Variants in KANSL1 observed in about 807,000 individuals in gnomAD.
KANSL1 encodes the protein KAT8 regulatory NSL complex subunit 1, also known as MLL1/MLL complex subunit KANSL1.
In KANSL1, 22 loss-of-function variants were observed where a neutral mutation model predicts 103.6. The ratio of observed to expected loss-of-function variants is 0.21; its 90% CI spans 0.15 to 0.30. KANSL1 has a LOEUF of 0.30. KANSL1 is among the 10% of genes least tolerant of loss of function. KANSL1 has a pLI of 1.00. For synonymous variants in KANSL1, 600 were observed against 527.6 expected (o/e 1.14, Z -1.88); for missense variants, 1,337 against 1,399.8 (o/e 0.96, Z 0.72).
chr17:46,143,074 T>C (rs1036307918), intron 2 of KANSL1, among the ~76,000 whole-genome samples: 5 of 152,222 alleles, frequency 3.3e-5, no homozygotes, highest in South Asian at 2.1e-4. Context: ...TTAAGTACAC[T>C]GTAAAGACAT....
At chr17:46,085,067 T>C (rs1183623016) in intron 3 of KANSL1, among the ~76,000 whole-genome samples, 2 of 152,222 alleles carry the variant, frequency 1.3e-5, no homozygotes, top group Admixed American at 6.5e-5. Context: ...CTAAGAACTT[T>C]TTTAAAGATC....
In KANSL1 at chr17:46,143,437, T is replaced by A. The variant is rs1033191509; in HGVS notation, c.1289+27418A>T. Among the ~76,000 whole-genome samples the A allele has an allele frequency of 4.6e-5, 7 of 152,006 alleles. No homozygotes were observed. The East Asian group carries it at 1.4e-3, about 29-fold the overall frequency. The stretch of plus-strand genomic sequence containing the variant: ...TGAACCCGCGAGACAGAGGTTGCAG[T>A]GAGCTGAGATCACGCCATTGTGCTC... On this transcript the variant is annotated intron_variant, in intron 2 of 14. Transcript: ENST00000432791.
chr17:46,218,304 C>G (rs1218631929), intron 1 of KANSL1, among the ~76,000 whole-genome samples: 1 of 152,246 alleles, frequency 6.6e-6, no homozygotes, highest in Non-Finnish European at 1.5e-5. Flanking sequence ...AGGTGCTGTT[C>G]TAAACACTCT....
chr17:46,206,083 C>CCAAAAAAA (rs1491578296), intron 1 of KANSL1, among the ~76,000 whole-genome samples: 1 of 89,598 alleles, frequency 1.1e-5, no homozygotes, highest in Non-Finnish European at 2.0e-5. Flanking sequence ...CTGTGTCCCC[C>CCAAAAAAA]AAAAAAAAAA....
chr17:46,078,348 C>A (rs2078863516), intron 4 of KANSL1, among the ~76,000 whole-genome samples: 1 of 152,254 alleles, frequency 6.6e-6, no homozygotes, highest in Admixed American at 6.5e-5. Flanking sequence ...CTGCTCAGCT[C>A]TTTCAGCCTT....
chr17:46,085,752 A>C (rs1160456583), intron 3 of KANSL1, among the ~76,000 whole-genome samples: 3 of 152,116 alleles, frequency 2.0e-5, no homozygotes, highest in Non-Finnish European at 4.4e-5. Context: ...TCAAACTCCC[A>C]AAGTGCTGGG....
At chr17:46,176,725 A>G (rs1041825314) in intron 1 of KANSL1, among the ~76,000 whole-genome samples, 6 of 152,088 alleles carry the variant, frequency 3.9e-5, no homozygotes, top group African/African-American at 1.4e-4. Context: ...CTACTCCAAG[A>G]CTTCTCTGAA....
intron 6 of KANSL1, among the ~76,000 whole-genome samples, chr17:46,063,914 A>T (rs1204690431): frequency 1.4e-4 from 14 of 99,694 alleles, no homozygotes; most frequent in Non-Finnish European, 1.9e-4. Flanking sequence ...TTTTTTTTTA[A>T]AATGTAAAAG....
intron 4 of KANSL1, 47 bp downstream of exon 4, chr17:46,082,394 C>A (rs961214635): frequency 1.6e-6 from 2 of 1,256,954 alleles, no homozygotes; most frequent in Non-Finnish European, 2.3e-6. Flanking sequence ...GCCAAGACAA[C>A]ACCCTTAATT....
At chr17:46,099,780 G>A (rs1471775146) in intron 2 of KANSL1, among the ~76,000 whole-genome samples, 1 of 152,224 alleles carries the variant, frequency 6.6e-6, no homozygotes. Context: ...ATATACTGTA[G>A]TTATCACCTG....
Position 46,171,960 on chromosome 17 carries a change from C to G in KANSL1, c.184G>C (p.Asp62His), listed in dbSNP as rs904814411. 1 of 1,614,260 alleles carries G rather than the reference C, an allele frequency of 6.2e-7. No individual in the cohort carries two copies. The highest frequency in any genetic ancestry group is 1.1e-5 in the South Asian group (1 of 91,090). Reference sequence around the variant, plus strand: ...TCCTTGGTAGGATTATTTCGGAAATCTAGGCTGGGATCCTCTGCAGCAATG... The same window carrying G: ...TCCTTGGTAGGATTATTTCGGAAATGTAGGCTGGGATCCTCTGCAGCAATG... ...KAIAAEDPSLDFRNNPTKEDL... is the reference protein window; with the variant it reads ...KAIAAEDPSLHFRNNPTKEDL... Residue 62 changes from aspartate to histidine, a missense_variant, in exon 2 of 15, where the codon GAT becomes CAT. By Grantham distance (81) the Asp-to-His change is moderately conservative. Around this residue, in one of 2 missense-constraint regions of KANSL1, gnomAD observed 557 missense variants for 476.4 expected, o/e 1.17. Transcript: ENST00000432791.
chr17:46,031,189 G>A lies in KANSL1; in HGVS notation c.*287C>T. ...GTCATCTAAGATCAGTAAGTCCAGT[G>A]ATTCAACAGTGCAGAGGATGTGCCA... On this transcript the variant is annotated 3_prime_UTR_variant, in exon 15 of 15. Transcript: ENST00000432791. The A allele has an allele frequency of 2.0e-6, 1 of 509,350 alleles. No homozygotes were observed. The highest frequency in any genetic ancestry group is 3.5e-6 in the Non-Finnish European group (1 of 282,258). The allele number at this position is 509,350 out of a possible 1,614,324, so 31.6% of individuals were successfully genotyped here. A position where few individuals can be genotyped will look rare whatever the true frequency, so the allele number is the denominator to read the frequency against.
In KANSL1 at chr17:46,171,366, C is replaced by T. The variant is rs1159067199; in HGVS notation, c.778G>A (p.Gly260Ser). The stretch of plus-strand genomic sequence containing the variant: ...GACTTTTTACCCTCCAATTTGACAC[C>T]CCCCAAGTTAGAGCTGGAGTCTGTA... The part of the protein sequence containing the change: ...PGTDSSSNLG[G>S]VKLEGKKSPL... The change falls in exon 2 of 15, where the codon GGT (glycine) becomes AGT (serine). Residue 260 changes from glycine (G) to serine (S), a missense_variant. Physicochemically the swap from Gly to Ser is moderately conservative, Grantham distance 56 (BLOSUM62 0). This residue lies in a region of KANSL1 where 557 missense variants were observed against 476.4 expected (regional missense o/e 1.17). Coordinates refer to ENST00000432791, the MANE Select transcript of KANSL1 (RefSeq NM_015443.4). 17 of 1,614,062 alleles carry T rather than the reference C, an allele frequency of 1.1e-5. No individual in the cohort carries two copies. Among genetic ancestry groups the T allele is most frequent in the Admixed American group, 1.7e-5 (1 of 60,000 alleles).
chr17:46,059,929 T>A (rs1370085145), intron 6 of KANSL1, among the ~76,000 whole-genome samples: 2 of 151,856 alleles, frequency 1.3e-5, no homozygotes, highest in Non-Finnish European at 2.9e-5. Context: ...CGAGACTCCA[T>A]CTTGGGGGAG....
chr17:46,095,931 A>G (rs2042042169), intron 2 of KANSL1, among the ~76,000 whole-genome samples: 1 of 152,194 alleles, frequency 6.6e-6, no homozygotes, highest in South Asian at 2.1e-4. Context: ...GTTAAAATAT[A>G]AATATTAGGT....
chr17:46,198,050 C>A (rs1434493230), upstream of KANSL1, among the ~76,000 whole-genome samples: 2 of 152,166 alleles, frequency 1.3e-5, no homozygotes, highest in African/African-American at 4.8e-5. Flanking sequence ...CACAGGGGCC[C>A]ATTTTTTTGG....
intron 4 of KANSL1, among the ~76,000 whole-genome samples, chr17:46,074,645 T>C (rs1323366452): frequency 6.6e-6 from 1 of 152,000 alleles, no homozygotes; most frequent in Non-Finnish European, 1.5e-5. Flanking sequence ...CACATGCCTG[T>C]GATCCCAGCT....
At chr17:46,059,124 T>C (rs901779126) in intron 6 of KANSL1, among the ~76,000 whole-genome samples, 1 of 150,480 alleles carries the variant, frequency 6.6e-6, no homozygotes, top group African/African-American at 2.4e-5. Flanking sequence ...TGGATAACAC[T>C]AGAGACTTGA....
At chr17:46,057,530 C>A (rs2077976369) in intron 6 of KANSL1, among the ~76,000 whole-genome samples, 1 of 152,014 alleles carries the variant, frequency 6.6e-6, no homozygotes, top group Non-Finnish European at 1.5e-5. Flanking sequence ...TGGGTCCAGG[C>A]AATGATCACC....
Sources: allele counts gnomAD v4.1 joint callset (sites outside exome capture counted in the v4.1 genomes callset), GRCh38; gene constraint gnomAD v4.1.1; regional missense constraint gnomAD v4.1.1; transcripts MANE v1.5; gene names NCBI Gene and HGNC (gene_info 2026-07-23, HGNC 2026-07-21).